KCNN3: variants seen among roughly 807,000 people sequenced by gnomAD.
KCNN3 encodes potassium calcium-activated channel subfamily N member 3, also known as small conductance calcium-activated potassium channel protein 3.
A neutral mutation model predicts 62.9 loss-of-function variants in KCNN3; 16 were observed. The observed-to-expected ratio is 0.25, with a 90% CI of 0.17 to 0.39. The LOEUF is 0.39. KCNN3 is among the 10% of genes least tolerant of loss of function. The pLI is 1.00. For synonymous variants in KCNN3, 370 were observed against 389.2 expected, an observed-to-expected ratio of 0.95 and a Z score of 0.58; for missense variants, 599 against 949.4, an observed-to-expected ratio of 0.63 and a Z score of 4.85.
chr1:154,813,838 C>T (rs1019913018), intron 2 of KCNN3, among the ~76,000 whole-genome samples: 9 of 152,244 alleles, frequency 5.9e-5, no homozygotes, highest in African/African-American at 2.2e-4. Flanking sequence ...TCGGAGACGC[C>T]AGCCAGGGCC....
chr1:154,706,072 T>G lies in KCNN3; in HGVS notation c.*1904A>C, dbSNP rs1699960770. 6.6e-6 allele frequency: 1 copy of G among 152,150 alleles called. No individual in the cohort carries two copies. The highest frequency in any genetic ancestry group is 6.5e-5 in the Admixed American group (1 of 15,270). The allele number at this position is 152,150 out of a possible 1,614,324, so 9.4% of individuals were successfully genotyped here. A position where few individuals can be genotyped will look rare whatever the true frequency, so the allele number is the denominator to read the frequency against. ...CGGCATCTCTGGTATGCAAAACAAC[T>G]AATGAAAGTGTTCAAAGGAATTATC... On this transcript the variant is annotated 3_prime_UTR_variant, in exon 8 of 8. Transcript: ENST00000271915.
intron 1 of KCNN3, among the ~76,000 whole-genome samples, chr1:154,835,270 A>C (rs937078769): frequency 6.6e-6 from 1 of 152,244 alleles, no homozygotes; most frequent in African/African-American, 2.4e-5. Context: ...GTTATCTGGC[A>C]TAATTATTAC....
At chr1:154,780,186 CTTTTTTTCTTTTT>C (rs1263532023) in intron 2 of KCNN3, among the ~76,000 whole-genome samples, 1 of 91,520 alleles carries the variant, frequency 1.1e-5, no homozygotes, top group Non-Finnish European at 2.2e-5. Flanking sequence ...TGCCTTTTTT[CTTTTTTTCTTTTT>C]TTTTTTTTTT....
intron 2 of KCNN3, among the ~76,000 whole-genome samples, chr1:154,778,404 A>G (rs577689263): frequency 6.6e-6 from 1 of 152,348 alleles, no homozygotes; most frequent in South Asian, 2.1e-4. Flanking sequence ...AAAGACATGC[A>G]TGATTAGGAT....
rs989890691 is a variant in KCNN3, at chr1:154,847,637, A to G, written c.933+21395T>C. Among the ~76,000 whole-genome samples, 3 of 152,176 alleles carry G rather than the reference A, an allele frequency of 2.0e-5. No homozygotes were observed. The South Asian group carries it at 6.2e-4, about 31-fold the overall frequency. On this transcript the variant is annotated intron_variant, in intron 1 of 7. Coordinates refer to ENST00000271915, the MANE Select transcript of KCNN3 (RefSeq NM_002249.6). The stretch of plus-strand genomic sequence containing the variant: ...TCCTAGGATTTTCCCCAGCCCCTCA[A>G]AGCCAACACGCCCAAGATAGAATTC...
intron 2 of KCNN3, among the ~76,000 whole-genome samples, chr1:154,814,236 G>A (rs1650561883): frequency 6.6e-6 from 1 of 152,230 alleles, no homozygotes; most frequent in Non-Finnish European, 1.5e-5. Context: ...TGAGGAGGGA[G>A]TAAATCTGCC....
chr1:154,854,981 G>A (rs1441982879), intron 1 of KCNN3, among the ~76,000 whole-genome samples: 1 of 152,152 alleles, frequency 6.6e-6, no homozygotes, highest in Non-Finnish European at 1.5e-5. Context: ...ACTTTGAGAG[G>A]CCAAGGCGGG....
In KCNN3 at chr1:154,726,030, CG is replaced by C. The variant is rs751022062; in HGVS notation, c.1591-5del. 7 of 1,609,082 alleles carry C rather than the reference CG, an allele frequency of 4.4e-6. No individual in the cohort carries two copies. The East Asian group carries it at 1.3e-4, about 31-fold the overall frequency. On this transcript the variant is annotated splice_region_variant and splice_polypyrimidine_tract_variant and intron_variant, in intron 4 of 7. Coordinates refer to ENST00000271915, the MANE Select transcript of KCNN3 (RefSeq NM_002249.6). The stretch of plus-strand genomic sequence containing the variant: ...CAAGGGCAGTGCAGCCTGCACCCTG[CG>C]GGGGGACATCAAGAGGACCAGAGGG...
At chr1:154,727,610 A>G (rs1700498336) in intron 4 of KCNN3, among the ~76,000 whole-genome samples, 1 of 152,212 alleles carries the variant, frequency 6.6e-6, no homozygotes, top group Non-Finnish European at 1.5e-5. Context: ...AGTGAAAAGA[A>G]CCAAGTCTGT....
At chr1:154,828,122 AAC>A (rs1651213335) in intron 1 of KCNN3, among the ~76,000 whole-genome samples, 1 of 152,086 alleles carries the variant, frequency 6.6e-6, no homozygotes, top group African/African-American at 2.4e-5. Context: ...ACAGCTCTGG[AAC>A]AGAGGCCCAG....
intron 1 of KCNN3, among the ~76,000 whole-genome samples, chr1:154,849,192 C>T (rs1652209134): frequency 6.6e-6 from 1 of 152,222 alleles, no homozygotes; most frequent in East Asian, 1.9e-4. Flanking sequence ...ACTCAACCAG[C>T]TCTGTCTCCC....
At position 154,869,759 on chromosome 1, in the gene KCNN3, T is replaced by TAA. The variant is rs1653103508; in HGVS notation, c.205_206insTT (p.Gln69LeufsTer108). Reference sequence around the variant, plus strand: ...CTGCTGCTGCTGCTGCTGCTGCTGCTGCTGCTGAAGCTGCGGAGGCTGAGG... The same window carrying TAA: ...CTGCTGCTGCTGCTGCTGCTGCTGCTAAGCTGCTGAAGCTGCGGAGGCTGAGG... On this transcript the variant is annotated frameshift_variant, in exon 1 of 8. Coordinates refer to ENST00000271915, the MANE Select transcript of KCNN3 (RefSeq NM_002249.6). LOFTEE classifies it high-confidence loss of function. This position sits in a 1 kb window ranked among gnomAD's most constrained non-coding sequence, Gnocchi z 6.1. 1 of 1,521,992 alleles carries TAA rather than the reference T, an allele frequency of 6.6e-7. No individual in the cohort carries two copies. The highest frequency in any genetic ancestry group is 8.9e-7 in the Non-Finnish European group (1 of 1,127,894). The allele number at this position is 1,521,992 out of a possible 1,614,324, so 94.3% of individuals were successfully genotyped here. A position where few individuals can be genotyped will look rare whatever the true frequency, so the allele number is the denominator to read the frequency against.
chr1:154,740,024 G>C (rs1700796205), intron 3 of KCNN3, among the ~76,000 whole-genome samples: 1 of 152,204 alleles, frequency 6.6e-6, no homozygotes, highest in African/African-American at 2.4e-5. Flanking sequence ...GTTTTTAGCT[G>C]CTAAATTTTG....
chr1:154,717,327 T>C (rs1012573060), intron 5 of KCNN3, among the ~76,000 whole-genome samples: 5 of 152,150 alleles, frequency 3.3e-5, no homozygotes, highest in African/African-American at 1.2e-4. Context: ...TAAAGTACCA[T>C]ACAGATATTA....
intron 5 of KCNN3, among the ~76,000 whole-genome samples, chr1:154,724,895 C>G (rs1202617158): frequency 6.7e-6 from 1 of 148,734 alleles, no homozygotes; most frequent in Non-Finnish European, 1.5e-5. Context: ...CTTGCTCTGT[C>G]GCCCAGGCTG....
At chr1:154,752,423 C>G (rs1647422942) in intron 3 of KCNN3, among the ~76,000 whole-genome samples, 1 of 152,192 alleles carries the variant, frequency 6.6e-6, no homozygotes, top group African/African-American at 2.4e-5. Context: ...GATGTTCAGT[C>G]TGGACAGCCA....
At chr1:154,744,347 A>T (rs1434031972) in intron 3 of KCNN3, among the ~76,000 whole-genome samples, 2 of 152,244 alleles carry the variant, frequency 1.3e-5, no homozygotes, top group Non-Finnish European at 2.9e-5. Flanking sequence ...CCAGTGCGTA[A>T]CTGACCTAAC....
intron 7 of KCNN3, among the ~76,000 whole-genome samples, chr1:154,710,145 C>G (rs1253339287): frequency 6.6e-6 from 1 of 152,198 alleles, no homozygotes; most frequent in Non-Finnish European, 1.5e-5. Context: ...GCCTATAGGA[C>G]AGCAATTCAA....
At position 154,697,559 on chromosome 1, in the gene KCNN3, C is replaced by T. The variant is rs930264667; in HGVS notation, c.*10417G>A. The T allele has an allele frequency of 6.6e-6, 1 of 152,180 alleles. No individual in the cohort carries two copies. Among genetic ancestry groups the T allele is most frequent in the Non-Finnish European group, 1.5e-5 (1 of 68,030 alleles). 9.4% of individuals were successfully genotyped at this position (152,180 alleles called of 1,614,324 possible). A position where few individuals can be genotyped will look rare whatever the true frequency, so the allele number is the denominator to read the frequency against. On this transcript the variant is annotated 3_prime_UTR_variant, in exon 8 of 8. Transcript: ENST00000271915. ...ATTTAAAAATGCCCATTCTCTCCAG[C>T]TTCAGTTCAAGCAGGAGTGGGGAAG... is the stretch of plus-strand genomic sequence containing the variant.
Sources: gnomAD v4.1 joint callset for allele counts (sites outside exome capture counted in the v4.1 genomes callset) on GRCh38, gnomAD v4.1.1 for gene constraint, Gnocchi (gnomAD v3.1) non-coding constraint, MANE v1.5 for transcripts, NCBI Gene and HGNC (gene_info 2026-07-23, HGNC 2026-07-21) for gene names.